Variants in MARCHF1 observed in about 807,000 individuals in gnomAD.
MARCHF1 encodes the protein E3 ubiquitin-protein ligase MARCHF1.
In MARCHF1, 40 loss-of-function variants were observed where a neutral mutation model predicts 54.2. That is an observed-to-expected ratio of 0.74 (90% CI 0.57 to 0.96). MARCHF1 has a LOEUF of 0.96. Ranked by LOEUF, MARCHF1 falls within the 40% of genes least tolerant of loss-of-function variation. The pLI is 0.00. For synonymous variants in MARCHF1, 236 were observed against 236.3 expected, an observed-to-expected ratio of 1.00 and a Z score of 0.01; for missense variants, 586 against 656.5, an observed-to-expected ratio of 0.89 and a Z score of 1.17.
At chr4:164,230,554 T>G (rs1732388364) in intron 1 of MARCHF1, among the ~76,000 whole-genome samples, 1 of 152,230 alleles carries the variant, frequency 6.6e-6, no homozygotes, top group Non-Finnish European at 1.5e-5. Context: ...TTACAGTTCT[T>G]TACTAGCTAT....
At chr4:163,833,127 A>G (rs1339873776) in intron 4 of MARCHF1, among the ~76,000 whole-genome samples, 1 of 152,052 alleles carries the variant, frequency 6.6e-6, no homozygotes, top group Non-Finnish European at 1.5e-5. Flanking sequence ...GGCTGGGTCA[A>G]ATGGTATTTC....
chr4:163,617,762 C>T (rs1180072203), intron 5 of MARCHF1, among the ~76,000 whole-genome samples: 3 of 152,070 alleles, frequency 2.0e-5, no homozygotes, highest in African/African-American at 7.2e-5. Flanking sequence ...TACTTGCCCT[C>T]TTTGAAAAAA....
At chr4:163,576,742 A>T (rs1390812229) in intron 8 of MARCHF1, among the ~76,000 whole-genome samples, 2 of 151,924 alleles carry the variant, frequency 1.3e-5, no homozygotes, top group Non-Finnish European at 2.9e-5. Flanking sequence ...TTGGGAACGT[A>T]TATATTTAGG....
At chr4:163,655,790 C>T (rs903307427) in intron 5 of MARCHF1, among the ~76,000 whole-genome samples, 7 of 152,002 alleles carry the variant, frequency 4.6e-5, no homozygotes, top group Non-Finnish European at 1.0e-4. Context: ...ATTGAACAAC[C>T]TGCTTCTGAA....
chr4:164,157,362 T>C (rs372792403), intron 1 of MARCHF1, among the ~76,000 whole-genome samples: 1 of 152,150 alleles, frequency 6.6e-6, no homozygotes, highest in African/African-American at 2.4e-5. Context: ...TTAAACAAAA[T>C]ATTTTTCCTT....
intron 1 of MARCHF1, among the ~76,000 whole-genome samples, chr4:164,174,084 T>C (rs1221451345): frequency 2.0e-5 from 3 of 152,178 alleles, no homozygotes; most frequent in Admixed American, 1.3e-4. Context: ...TACTTCCTTC[T>C]GAATTAAAAT....
chr4:163,920,571 C>T (rs907878102), intron 3 of MARCHF1, among the ~76,000 whole-genome samples: 24 of 152,108 alleles, frequency 1.6e-4, no homozygotes, highest in Admixed American at 1.3e-3. Flanking sequence ...TGACCCTATG[C>T]TACTATAGCC....
intron 9 of MARCHF1, among the ~76,000 whole-genome samples, chr4:163,540,020 C>G (rs1197747194): frequency 6.6e-6 from 1 of 152,118 alleles, no homozygotes; most frequent in African/African-American, 2.4e-5. Context: ...TGTATTTTCT[C>G]TTTAAGTCAA....
intron 1 of MARCHF1, among the ~76,000 whole-genome samples, chr4:164,322,752 C>T (rs1471817260): frequency 6.6e-6 from 1 of 151,702 alleles, no homozygotes; most frequent in African/African-American, 2.4e-5. Flanking sequence ...AAAGGATTAG[C>T]AAAGCAAAGT....
intron 4 of MARCHF1, among the ~76,000 whole-genome samples, chr4:163,831,087 T>A (rs1010224707): frequency 1.3e-5 from 2 of 152,300 alleles, no homozygotes; most frequent in South Asian, 4.1e-4. Flanking sequence ...TACAAAAAGC[T>A]CAGCCAAAAA....
rs143618295 is a variant in MARCHF1, at chr4:163,594,959, G to T, written c.1011-9030C>A. Among the ~76,000 whole-genome samples the T allele has an allele frequency of 4.3e-3, 653 of 152,288 alleles. 2 individuals are homozygous for T. Among genetic ancestry groups the T allele is most frequent in the African/African-American group, 0.014 (574 of 41,560 alleles). ...CAATCCCACGTCTAAGTATCCAGAA[G>T]AATTGAAATCAGGACCTCAGATAGG... On this transcript the variant is annotated intron_variant, in intron 7 of 9. Coordinates refer to ENST00000514618, the MANE Select transcript of MARCHF1 (RefSeq NM_001394959.1).
chr4:164,048,477 G>T (rs771832096), intron 2 of MARCHF1, among the ~76,000 whole-genome samples: 2 of 151,804 alleles, frequency 1.3e-5, no homozygotes, highest in South Asian at 4.2e-4. Context: ...ATGAATCTTC[G>T]GCCAACAACT....
intron 1 of MARCHF1, among the ~76,000 whole-genome samples, chr4:164,381,739 AAG>A (rs762325261): frequency 2.0e-5 from 3 of 152,204 alleles, no homozygotes; most frequent in Non-Finnish European, 4.4e-5. Context: ...CTATTTCAAA[AAG>A]AGTTTTTGCT....
intron 3 of MARCHF1, among the ~76,000 whole-genome samples, chr4:163,941,105 C>A (rs934302470): frequency 6.6e-6 from 1 of 152,050 alleles, no homozygotes; most frequent in African/African-American, 2.4e-5. Flanking sequence ...TCCTACTCTG[C>A]TAAACAGGCT....
At chr4:163,680,172 C>T (rs539569936) in intron 5 of MARCHF1, among the ~76,000 whole-genome samples, 1 of 152,238 alleles carries the variant, frequency 6.6e-6, no homozygotes, top group South Asian at 2.1e-4. Context: ...CTCTCTGTCA[C>T]TTTTCCAGAT....
At chr4:163,598,551 T>C (rs139818644) in intron 7 of MARCHF1, among the ~76,000 whole-genome samples, 246 of 152,314 alleles carry the variant, frequency 1.6e-3, no homozygotes, top group African/African-American at 5.7e-3. Context: ...GTACAACATG[T>C]TACTGTACTG....
intron 3 of MARCHF1, among the ~76,000 whole-genome samples, chr4:163,891,268 G>A (rs1255915851): frequency 6.6e-6 from 1 of 151,844 alleles, no homozygotes; most frequent in African/African-American, 2.4e-5. Context: ...TAGGTCCCAT[G>A]GAGATAAATA....
chr4:163,585,942 A>C lies in MARCHF1; in HGVS notation c.1011-13T>G, dbSNP rs750934589. 6 of 1,593,656 alleles carry C rather than the reference A, an allele frequency of 3.8e-6. No individual in the cohort carries two copies. Among genetic ancestry groups the C allele is most frequent in the Non-Finnish European group, 5.1e-6 (6 of 1,170,240 alleles). On this transcript the variant is annotated splice_polypyrimidine_tract_variant and intron_variant, in intron 7 of 9. Transcript: ENST00000514618. ...GCAGTGACAGATTCTGCAGAAAGAC[A>C]CAGCAGCCAGTATGAGATCTCCCAG...
chr4:163,996,821 AG>A (rs770802223), intron 2 of MARCHF1, among the ~76,000 whole-genome samples: 33 of 152,154 alleles, frequency 2.2e-4, no homozygotes, highest in Non-Finnish European at 4.3e-4. Context: ...TGAAGACTGG[AG>A]TTACTCTCCC....
Sources: gnomAD v4.1 joint callset for allele counts (sites outside exome capture counted in the v4.1 genomes callset) on GRCh38, gnomAD v4.1.1 for gene constraint, MANE v1.5 for transcripts, NCBI Gene and HGNC (gene_info 2026-07-23, HGNC 2026-07-21) for gene names.